The following WFIKKN1 variants were observed in gnomAD, a reference collection of about 807,000 sequenced individuals.
The protein encoded by WFIKKN1 is WAP, follistatin/kazal, immunoglobulin, kunitz and netrin domain containing 1, also known as WAP, Kazal, immunoglobulin, Kunitz and NTR domain-containing protein 1.
In WFIKKN1, 6 loss-of-function variants were observed where a neutral mutation model predicts 4.6. That is an observed-to-expected ratio of 1.31 (90% CI 0.72 to 2.59). The LOEUF (loss-of-function observed/expected upper bound fraction) is 2.59, where lower values mean the gene tolerates loss of function less well. Ranked by LOEUF, WFIKKN1 falls within the 30% of genes most tolerant of loss-of-function variation. The pLI is 0.00. For synonymous variants in WFIKKN1, 468 were observed against 367.4 expected, an observed-to-expected ratio of 1.27 and a Z score of -3.13; for missense variants, 964 against 818.0, an observed-to-expected ratio of 1.18 and a Z score of -2.18.
rs1458368305 is a variant in WFIKKN1 at position 633,885 on chromosome 16, C to T, written c.1475C>T (p.Pro492Leu). 3 of 1,596,354 alleles carry T rather than the reference C, an allele frequency of 1.9e-6. No homozygotes were observed. The African/African-American group carries it at 4.0e-5, about 21-fold the overall frequency. ...GGCATGGACTGGGCCTGCCCCTGCCCCAACATGACGGCGGGCGACGGGCCG... is the reference window on the plus strand; with the variant it reads ...GGCATGGACTGGGCCTGCCCCTGCCTCAACATGACGGCGGGCGACGGGCCG... ...LSGMDWACPC[P>L]NMTAGDGPLV... Residue 492 changes from proline (P) to leucine (L), a missense_variant, in exon 2 of 2, where the codon CCC becomes CTC. Physicochemically the swap from Pro to Leu is moderately conservative, Grantham distance 98. Transcript: ENST00000319070.
In WFIKKN1 at chr16:633,162, A is replaced by G. The variant is rs1046564433; in HGVS notation, c.752A>G (p.Tyr251Cys). 1 of 1,600,744 alleles carries G rather than the reference A, an allele frequency of 6.2e-7. No homozygotes were observed. Among genetic ancestry groups the G allele is most frequent in the Non-Finnish European group, 8.5e-7 (1 of 1,171,740 alleles). Residue 251 changes from tyrosine (Y) to cysteine (C), a missense_variant, in exon 2 of 2, where the codon TAC (tyrosine) becomes TGC (cysteine). Coordinates refer to ENST00000319070, the MANE Select transcript of WFIKKN1 (RefSeq NM_053284.3). ...VVTSIGQLVL[Y>C]NARPEDAGLY... ...ACCAGCATCGGGCAGCTGGTGCTCT[A>G]CAACGCGCGGCCCGAAGACGCCGGC...
rs2036945132 is a variant in WFIKKN1 at position 631,247 on chromosome 16, G to C, written c.-7G>C. ...ACACCCCCCGGCCCCCTGGCTCGGC[G>C]GCCCTCATGCCCGCCCTACGTCCAC... On this transcript the variant is annotated 5_prime_UTR_variant, in exon 1 of 2. Transcript: ENST00000319070. 6.5e-7 allele frequency: 1 copy of C among 1,549,408 alleles called. No individual in the cohort carries two copies. The highest frequency in any genetic ancestry group is 1.2e-5 in the South Asian group (1 of 85,700).
chr16:633,031 C>A lies in WFIKKN1; in HGVS notation c.621C>A (p.Cys207Ter), dbSNP rs145141720. 11 of 1,610,134 alleles carry A rather than the reference C, an allele frequency of 6.8e-6. No individual in the cohort carries two copies. The Admixed American group carries it at 1.3e-4, about 20-fold the overall frequency. ...VQVGGTASLH[C>*]DVSGRPPPAV... ...TTGGGGGTACGGCCAGCCTCCACTG[C>A]GACGTCAGCGGCCGCCCGCCGCCTG... Residue 207 changes from cysteine (C) to a stop codon, truncating the protein, a stop_gained, in exon 2 of 2, where the codon TGC becomes TGA. Transcript: ENST00000319070. LOFTEE classifies it low-confidence loss of function (END_TRUNC).
chr16:633,647 C>T lies in WFIKKN1; in HGVS notation c.1237C>T (p.Arg413Cys), dbSNP rs763100479. ...ESCEDACPVP[R>C]TPPCRACRLR... Reference sequence around the variant, plus strand: ...CTGCGAGGATGCCTGCCCCGTGCCGCGCACACCGCCCTGCCGCGCCTGCCG... The same window carrying T: ...CTGCGAGGATGCCTGCCCCGTGCCGTGCACACCGCCCTGCCGCGCCTGCCG... The change falls in exon 2 of 2, where the codon CGC (arginine) becomes TGC (cysteine). Residue 413 changes from arginine (R) to cysteine (C), a missense_variant. Arg to Cys is a radical substitution (Grantham distance 180, BLOSUM62 -3). Transcript: ENST00000319070. 10 of 1,569,110 alleles carry T rather than the reference C, an allele frequency of 6.4e-6. 1 individual carries two copies. Among genetic ancestry groups the T allele is most frequent in the South Asian group, 5.8e-5 (5 of 86,380 alleles).
intron 1 of WFIKKN1, 109 bp downstream of exon 1, chr16:631,533 G>C: frequency 7.1e-7 from 1 of 1,408,888 alleles, no homozygotes; most frequent in South Asian, 1.4e-5. Context: ...GGGGGGTCTG[G>C]GTCTGGGCCC....
rs1318315460 is a variant in WFIKKN1 at position 633,344 on chromosome 16, C to T, written c.934C>T (p.Pro312Ser). 8 of 1,579,558 alleles carry T rather than the reference C, an allele frequency of 5.1e-6. No homozygotes were observed. Among genetic ancestry groups the T allele is most frequent in the Non-Finnish European group, 5.1e-6 (6 of 1,167,180 alleles). The change falls in exon 2 of 2, where the codon CCA becomes TCA. Residue 312 changes from proline (P) to serine (S), a missense_variant. Physicochemically the swap from Pro to Ser is moderately conservative, Grantham distance 74. Coordinates refer to ENST00000319070, the MANE Select transcript of WFIKKN1 (RefSeq NM_053284.3). ...DVQACTGPTS[P>S]HLVLWHYDPQ... ...GCAGGCCTGCACGGGCCCCACTTCCCCACACCTTGTCCTCTGGCACTACGA... is the reference window on the plus strand; with the variant it reads ...GCAGGCCTGCACGGGCCCCACTTCCTCACACCTTGTCCTCTGGCACTACGA...
At position 631,242 on chromosome 16, in the gene WFIKKN1, T is replaced by A. The variant is rs1229387497; in HGVS notation, c.-12T>A. 1 of 1,546,478 alleles carries A rather than the reference T, an allele frequency of 6.5e-7. No homozygotes were observed. On this transcript the variant is annotated 5_prime_UTR_variant, in exon 1 of 2. Coordinates refer to ENST00000319070, the MANE Select transcript of WFIKKN1 (RefSeq NM_053284.3). Reference sequence around the variant, plus strand: ...TGGCCACACCCCCCGGCCCCCTGGCTCGGCGGCCCTCATGCCCGCCCTACG... The same window carrying A: ...TGGCCACACCCCCCGGCCCCCTGGCACGGCGGCCCTCATGCCCGCCCTACG...
Position 631,310 on chromosome 16 carries a change from G to A in WFIKKN1, c.57G>A (p.Gly19=), listed in dbSNP as rs774164237. 2.5e-6 allele frequency: 4 copies of A among 1,600,692 alleles called. 1 individual carries two copies. The highest frequency in any genetic ancestry group is 1.7e-5 in the Admixed American group (1 of 59,790). ...PLLLLLRLTS[G]AGLLPGLGSH... ...TGCTCCTCCTCCGGCTGACCTCGGG[G>A]GCTGGCTTGCTGCCAGGGCTGGGGA... is the stretch of plus-strand genomic sequence containing the variant. Residue 19 remains glycine, a synonymous_variant, in exon 1 of 2, where the codon GGG becomes GGA. Transcript: ENST00000319070.
intron 1 of WFIKKN1, chr16:631,699 C>T (rs1299706470): frequency 1.0e-5 from 3 of 298,680 alleles, no homozygotes; most frequent in Non-Finnish European, 1.8e-5. Context: ...CTCCTCCCAC[C>T]CTCTCCTCCC....
rs774831271 is a variant in WFIKKN1 at position 632,689 on chromosome 16, C to T, written c.279C>T (p.Cys93=). Residue 93 remains cysteine (C), a synonymous_variant, in exon 2 of 2, where the codon TGC becomes TGT. Transcript: ENST00000319070. ...CTGCGCCGACGACAGCGGCCTCCTG[C>T]GAGGGCTTTGTGTGCCCACAGCAGG... ...SPAAPTTAAS[C]EGFVCPQQGS... The T allele has an allele frequency of 1.6e-5, 25 of 1,608,166 alleles. No individual in the cohort carries two copies. Among genetic ancestry groups the T allele is most frequent in the South Asian group, 3.3e-5 (3 of 90,436 alleles).
chr16:631,605 C>A, intron 1 of WFIKKN1, 181 bp downstream of exon 1: 1 of 679,820 alleles, frequency 1.5e-6, no homozygotes, highest in Non-Finnish European at 2.2e-6. Flanking sequence ...AAGAGCCCTC[C>A]CCACTCCAGC....
In WFIKKN1 at chr16:631,404, CGCGAGTGTAGCAGGGACCAG is replaced by C. The variant is rs1567198252; in HGVS notation, c.153_171+1del. Reference sequence around the variant, plus strand: ...GGTGGACGCCCAGAGCACCTGTGAGCGCGAGTGTAGCAGGGACCAGGTGAGTGTGGTCGGGCCGGGGTCCT... The same window carrying C: ...GGTGGACGCCCAGAGCACCTGTGAGCGTGAGTGTGGTCGGGCCGGGGTCCT... On this transcript the variant is annotated frameshift_variant and splice_region_variant, in exon 1 of 2. Coordinates refer to ENST00000319070, the MANE Select transcript of WFIKKN1 (RefSeq NM_053284.3). LOFTEE classifies it low-confidence loss of function (END_TRUNC). The C allele has an allele frequency of 6.2e-7, 1 of 1,609,224 alleles. No individual in the cohort carries two copies. Among genetic ancestry groups the C allele is most frequent in the Non-Finnish European group, 8.5e-7 (1 of 1,179,256 alleles).
chr16:631,130 C>T lies in WFIKKN1; in HGVS notation c.-124C>T, dbSNP rs752077948. On this transcript the variant is annotated 5_prime_UTR_variant, in exon 1 of 2. Transcript: ENST00000319070. ...CAGCCTCAGGGGCAAAAGGGAGCCC[C>T]GGGGTCCTGGTGGGGGCACCGACCA... 2.2e-5 allele frequency: 26 copies of T among 1,162,760 alleles called. No homozygotes were observed. Among genetic ancestry groups the T allele is most frequent in the African/African-American group, 3.2e-5 (2 of 62,068 alleles). The allele number at this position is 1,162,760 out of a possible 1,614,324, so 72.0% of individuals were successfully genotyped here.
intron 1 of WFIKKN1, 128 bp downstream of exon 1, chr16:631,552 G>T: frequency 1.7e-6 from 2 of 1,166,280 alleles, no homozygotes; most frequent in Non-Finnish European, 1.2e-6. Context: ...CCCTTAAGGG[G>T]CCCAGAGACA....
Position 633,717 on chromosome 16 carries a change from C to T in WFIKKN1, c.1307C>T (p.Ala436Val). The T allele has an allele frequency of 1.3e-6, 2 of 1,587,254 alleles. No homozygotes were observed. Among genetic ancestry groups the T allele is most frequent in the Non-Finnish European group, 1.7e-6 (2 of 1,167,156 alleles). ...CTGAGCCTGTGCCGCAGCGACTTCG[C>T]CATCGTGGGGCGGCTCACGGAGGTG... The part of the protein sequence containing the change: ...LALSLCRSDF[A>V]IVGRLTEVLE... The change falls in exon 2 of 2, where the codon GCC becomes GTC. Residue 436 changes from alanine to valine, a missense_variant. Ala to Val is a moderately conservative substitution (Grantham distance 64). Coordinates refer to ENST00000319070, the MANE Select transcript of WFIKKN1 (RefSeq NM_053284.3).
Position 631,292 on chromosome 16 carries a change from C to A in WFIKKN1, c.39C>A (p.Leu13=). 1.3e-6 allele frequency: 2 copies of A among 1,595,270 alleles called. No individual in the cohort carries two copies. Among genetic ancestry groups the A allele is most frequent in the East Asian group, 4.5e-5 (2 of 44,494 alleles). ...GTCCACTCCTGCCGCTCCTGCTCCTCCTCCGGCTGACCTCGGGGGCTGGCT... is the reference window on the plus strand; with the variant it reads ...GTCCACTCCTGCCGCTCCTGCTCCTACTCCGGCTGACCTCGGGGGCTGGCT... ...ALRPLLPLLL[L]LRLTSGAGLL... Residue 13 remains leucine, a synonymous_variant, in exon 1 of 2, where the codon CTC becomes CTA. Coordinates refer to ENST00000319070, the MANE Select transcript of WFIKKN1 (RefSeq NM_053284.3).
rs1453284230 is a variant in WFIKKN1 at position 633,573 on chromosome 16, T to C, written c.1163T>C (p.Val388Ala). 3 of 1,565,118 alleles carry C rather than the reference T, an allele frequency of 1.9e-6. No individual in the cohort carries two copies. The highest frequency in any genetic ancestry group is 2.6e-6 in the Non-Finnish European group (3 of 1,162,946). ...CTGCTGCAGCAGTGCCATCCCTTCG[T>C]GTACGGTGGCTGCGAGGGCAACGGC... ...SPLLQQCHPF[V>A]YGGCEGNGNN... Residue 388 changes from valine (V) to alanine (A), a missense_variant, in exon 2 of 2, where the codon GTG (valine) becomes GCG (alanine). Coordinates refer to ENST00000319070, the MANE Select transcript of WFIKKN1 (RefSeq NM_053284.3).
Position 632,997 on chromosome 16 carries a change from C to A in WFIKKN1, c.587C>A (p.Ala196Glu), listed in dbSNP as rs199871787. ...PALYSSPSPQ[A>E]VQVGGTASLH... is the part of the protein sequence containing the mutation. ...CTGTACAGCAGCCCCTCCCCACAGGCGGTGCAGGTTGGGGGTACGGCCAGC... is the reference window on the plus strand; with the variant it reads ...CTGTACAGCAGCCCCTCCCCACAGGAGGTGCAGGTTGGGGGTACGGCCAGC... Residue 196 changes from alanine (A) to glutamate (E), a missense_variant, in exon 2 of 2, where the codon GCG becomes GAG. By Grantham distance (107) the Ala-to-Glu change is moderately radical. Transcript: ENST00000319070. 2 of 1,599,660 alleles carry A rather than the reference C, an allele frequency of 1.3e-6. No homozygotes were observed. The highest frequency in any genetic ancestry group is 1.7e-5 in the Admixed American group (1 of 59,202).
chr16:631,190 G>A lies in WFIKKN1; in HGVS notation c.-64G>A, dbSNP rs1397787778. 6.7e-7 allele frequency: 1 copy of A among 1,498,036 alleles called. No homozygotes were observed. Among genetic ancestry groups the A allele is most frequent in the Non-Finnish European group, 8.9e-7 (1 of 1,127,306 alleles). 92.8% of individuals were successfully genotyped at this position (1,498,036 alleles called of 1,614,324 possible). A position where few individuals can be genotyped will look rare whatever the true frequency, so the allele number is the denominator to read the frequency against. ...AGGGTGGATGCCTGCAGGAAGCTGG[G>A]CTCTGTGGAGCCCGAGGAGGGGCTG... On this transcript the variant is annotated 5_prime_UTR_variant, in exon 1 of 2. Coordinates refer to ENST00000319070, the MANE Select transcript of WFIKKN1 (RefSeq NM_053284.3).
Sources: allele counts gnomAD v4.1 joint callset, GRCh38; gene constraint gnomAD v4.1.1; transcripts MANE v1.5; gene names NCBI Gene and HGNC (gene_info 2026-07-23, HGNC 2026-07-21).